The following MYO3B variants were observed in gnomAD, a reference collection of about 807,000 sequenced individuals.
The protein encoded by MYO3B is myosin-IIIb.
In MYO3B, 156 loss-of-function variants were observed where a neutral mutation model predicts 174.6. The observed-to-expected ratio is 0.89, with a 90% CI of 0.78 to 1.02. The LOEUF is 1.02. Ranked by LOEUF, MYO3B falls within the 50% of genes least tolerant of loss-of-function variation. The pLI, the probability that MYO3B is intolerant of heterozygous loss-of-function variation, is 0.00. For missense variants in MYO3B, 1,632 were observed against 1,639.4 expected (o/e 1.00, Z 0.08); for synonymous variants, 563 against 569.1 (o/e 0.99, Z 0.15).
chr2:170,531,251 A>G (rs1441784578), intron 30 of MYO3B, among the ~76,000 whole-genome samples: 2 of 152,172 alleles, frequency 1.3e-5, no homozygotes, highest in Admixed American at 1.3e-4. Context: ...AAAAGTTCAG[A>G]TTTCTCTGTA....
chr2:170,283,207 T>C (rs900016526), intron 7 of MYO3B, among the ~76,000 whole-genome samples: 1 of 152,104 alleles, frequency 6.6e-6, no homozygotes, highest in Admixed American at 6.5e-5. Flanking sequence ...GCTCTCTACT[T>C]CAGTCTCAAG....
chr2:170,515,017 A>T lies in MYO3B; in HGVS notation c.3467A>T (p.His1156Leu). ...EVQDCSEPGD[H>L]KVLRGSVHRR... ...CAAGACTGCAGCGAGCCTGGTGACC[A>T]TAAAGGTAGAGTCTTTCGAGATTTA... Residue 1156 changes from histidine (H) to leucine (L), a missense_variant, in exon 29 of 35, where the codon CAT (histidine) becomes CTT (leucine). Transcript: ENST00000408978. The T allele has an allele frequency of 6.2e-7, 1 of 1,613,634 alleles. No individual in the cohort carries two copies. Among genetic ancestry groups the T allele is most frequent in the South Asian group, 1.1e-5 (1 of 90,944 alleles).
Position 170,563,147 on chromosome 2 carries a change from T to TACAC in MYO3B, c.3733+19168_3733+19171dup, listed in dbSNP as rs1191919984. On this transcript the variant is annotated intron_variant, in intron 32 of 34. Transcript: ENST00000408978. ...ACACACACACACACACACACACACA[T>TACAC]ACACACACACACCCCAAGAATCAAA... Among the ~76,000 whole-genome samples the TACAC allele has an allele frequency of 1.8e-4, 21 of 118,036 alleles. No homozygotes were observed. In the South Asian group the frequency reaches 2.8e-3, roughly 16 times the overall value. 77.4% of individuals were successfully genotyped at this position (118,036 alleles called of 152,430 possible).
chr2:170,316,756 T>C (rs551305922), intron 7 of MYO3B, among the ~76,000 whole-genome samples: 1 of 152,356 alleles, frequency 6.6e-6, no homozygotes, highest in African/African-American at 2.4e-5. Flanking sequence ...CACATTCTAA[T>C]TCCTTAAGTG....
At chr2:170,375,491 T>C (rs768578205) in intron 9 of MYO3B, among the ~76,000 whole-genome samples, 1 of 146,000 alleles carries the variant, frequency 6.8e-6, no homozygotes, top group African/African-American at 2.5e-5. Flanking sequence ...TATTACTTGG[T>C]AGAAGAATTA....
rs2093527280 is a variant in MYO3B, at chr2:170,283,208, C to A, written c.749+47072C>A. On this transcript the variant is annotated intron_variant, in intron 7 of 34. Coordinates refer to ENST00000408978, the MANE Select transcript of MYO3B (RefSeq NM_138995.5). ...TATAGACTCTGGGAGCTCTCTACTT[C>A]AGTCTCAAGGAGAGTCAAGGGACTC... 2.6e-5 allele frequency among the ~76,000 whole-genome samples: 4 copies of A among 152,104 alleles called. No individual in the cohort carries two copies. In the South Asian group the frequency reaches 8.3e-4, roughly 32 times the overall value.
chr2:170,630,613 C>G (rs1696871811), intron 32 of MYO3B, among the ~76,000 whole-genome samples: 1 of 152,224 alleles, frequency 6.6e-6, no homozygotes, highest in Admixed American at 6.5e-5. Flanking sequence ...GGTCCCTGAC[C>G]CCCGTGTAGC....
chr2:170,585,183 G>A (rs957283707), intron 32 of MYO3B, among the ~76,000 whole-genome samples: 2 of 152,090 alleles, frequency 1.3e-5, no homozygotes, highest in South Asian at 2.1e-4. Flanking sequence ...CTGCTCTAGG[G>A]GCATGCACAA....
chr2:170,181,618 G>A (rs1041821390), intron 1 of MYO3B, among the ~76,000 whole-genome samples: 3 of 152,212 alleles, frequency 2.0e-5, no homozygotes, highest in Middle Eastern at 3.4e-3. Flanking sequence ...CTAGTCTGTT[G>A]AGAGATTTTT....
chr2:170,236,285 G>C, intron 7 of MYO3B, 149 bp downstream of exon 7: 1 of 899,670 alleles, frequency 1.1e-6, no homozygotes, highest in Non-Finnish European at 1.7e-6. Flanking sequence ...AAGGGGGGCT[G>C]GGGGGGACAG....
intron 32 of MYO3B, among the ~76,000 whole-genome samples, chr2:170,639,643 C>G (rs561761190): frequency 3.7e-4 from 57 of 152,278 alleles, no homozygotes; most frequent in African/African-American, 1.3e-3. Context: ...TAAACGTTTG[C>G]CTTTTAAACA....
intron 25 of MYO3B, among the ~76,000 whole-genome samples, chr2:170,470,740 T>C (rs1261808280): frequency 6.6e-6 from 1 of 152,168 alleles, no homozygotes; most frequent in African/African-American, 2.4e-5. Context: ...ACATTTATTA[T>C]TGTTTGTCTT....
intron 32 of MYO3B, among the ~76,000 whole-genome samples, chr2:170,561,906 T>C (rs980079857): frequency 1.3e-5 from 2 of 152,294 alleles, no homozygotes; most frequent in Admixed American, 6.5e-5. Context: ...CAGGTTGCTA[T>C]AGTCTTTTTC....
chr2:170,442,852 A>G (rs1480733418), intron 22 of MYO3B, among the ~76,000 whole-genome samples: 2 of 152,320 alleles, frequency 1.3e-5, no homozygotes, highest in South Asian at 2.1e-4. Flanking sequence ...TTATGGCTGC[A>G]TAGTATTCCA....
At chr2:170,537,949 G>A (rs1392394815) in intron 30 of MYO3B, among the ~76,000 whole-genome samples, 2 of 152,158 alleles carry the variant, frequency 1.3e-5, no homozygotes, top group Admixed American at 6.5e-5. Flanking sequence ...GCTTTCAAGC[G>A]TGAACGAATA....
chr2:170,363,019 G>A (rs2094173016), intron 8 of MYO3B, among the ~76,000 whole-genome samples: 1 of 152,082 alleles, frequency 6.6e-6, no homozygotes, highest in Non-Finnish European at 1.5e-5. Context: ...CCTTGATTTA[G>A]AGGCCTCTTT....
At chr2:170,226,838 G>A (rs763444169) in intron 6 of MYO3B, among the ~76,000 whole-genome samples, 1 of 152,188 alleles carries the variant, frequency 6.6e-6, no homozygotes, top group Non-Finnish European at 1.5e-5. Context: ...TTTTAAGGCT[G>A]TCCTCACTCC....
At position 170,392,863 on chromosome 2, in the gene MYO3B, GT is replaced by G. The variant is rs5836273; in HGVS notation, c.1791+376del. Among the ~76,000 whole-genome samples the G allele has an allele frequency of 5.3e-5, 8 of 150,262 alleles. No individual in the cohort carries two copies. The South Asian group carries it at 1.3e-3, about 24-fold the overall frequency. On this transcript the variant is annotated intron_variant, in intron 16 of 34. Transcript: ENST00000408978. ...AACAAATACCAAAACAATACTGTGG[GT>G]TTTTTTTCTGATTGAGCGTTCTTCC...
chr2:170,580,042 C>A (rs537600060), intron 32 of MYO3B, among the ~76,000 whole-genome samples: 1 of 151,818 alleles, frequency 6.6e-6, no homozygotes, highest in Non-Finnish European at 1.5e-5. Context: ...GTTGATCAAC[C>A]GTGCTAGAGA....
Sources: allele counts gnomAD v4.1 joint callset (sites outside exome capture counted in the v4.1 genomes callset), GRCh38; gene constraint gnomAD v4.1.1; transcripts MANE v1.5; gene names NCBI Gene and HGNC (gene_info 2026-07-23, HGNC 2026-07-21).